ARID3B: variants seen among roughly 807,000 people sequenced by gnomAD.
The protein encoded by ARID3B is AT-rich interactive domain-containing protein 3B.
A neutral mutation model predicts 51.9 loss-of-function variants in ARID3B; 10 were observed. That is an observed-to-expected ratio of 0.19 (90% CI 0.12 to 0.33). The LOEUF (loss-of-function observed/expected upper bound fraction) is 0.33, where lower values mean the gene tolerates loss of function less well. ARID3B is among the 10% of genes least tolerant of loss of function. The probability of loss-of-function intolerance (pLI) is 1.00; values close to 1 mark genes in which losing one functional copy is unlikely to be tolerated. For missense variants in ARID3B, 483 were observed against 716.3 expected (o/e 0.67, Z 3.72); for synonymous variants, 205 against 279.5 (o/e 0.73, Z 2.66).
At chr15:74,551,807 G>A (rs2061638456) in intron 2 of ARID3B, among the ~76,000 whole-genome samples, 2 of 151,916 alleles carry the variant, frequency 1.3e-5, no homozygotes, top group South Asian at 2.1e-4. Flanking sequence ...CTTCTCAAAG[G>A]AATTGGTTTT....
chr15:74,573,221 T>G lies in ARID3B; in HGVS notation c.697+17T>G, dbSNP rs984733664. On this transcript the variant is annotated intron_variant, in intron 4 of 8. Transcript: ENST00000346246. Reference sequence around the variant, plus strand: ...AGAAGAGGGGTGAGTGTGCATCTACTCATCATTCCAATTCAGGGAATACTG... The same window carrying G: ...AGAAGAGGGGTGAGTGTGCATCTACGCATCATTCCAATTCAGGGAATACTG... 5.0e-6 allele frequency: 8 copies of G among 1,612,142 alleles called. No homozygotes were observed. In the Admixed American group the frequency reaches 5.0e-5, roughly 10 times the overall value.
At chr15:74,571,975 T>C (rs566030794) in intron 2 of ARID3B, among the ~76,000 whole-genome samples, 2 of 152,212 alleles carry the variant, frequency 1.3e-5, no homozygotes, top group Non-Finnish European at 2.9e-5. Context: ...CGGGCGTGGT[T>C]GCGCACACGT....
intron 2 of ARID3B, among the ~76,000 whole-genome samples, chr15:74,568,588 A>G (rs1023973057): frequency 6.6e-6 from 1 of 152,200 alleles, no homozygotes; most frequent in East Asian, 1.9e-4. Flanking sequence ...AAGGCACACA[A>G]ACACTAGCTT....
At chr15:74,578,113 T>G (rs1391298023) in intron 4 of ARID3B, among the ~76,000 whole-genome samples, 1 of 151,848 alleles carries the variant, frequency 6.6e-6, no homozygotes, top group Non-Finnish European at 1.5e-5. Flanking sequence ...TGCCTCCGAC[T>G]CCCAAAGTAC....
rs1264911459 is a variant in ARID3B, at chr15:74,595,870, G to A, written c.*96G>A. 1.9e-5 allele frequency: 26 copies of A among 1,336,820 alleles called. No individual in the cohort carries two copies. The highest frequency in any genetic ancestry group is 2.4e-5 in the Non-Finnish European group (24 of 990,686). 82.8% of individuals were successfully genotyped at this position (1,336,820 alleles called of 1,614,324 possible). ...CTCATCTCACAGAGCCCACGTCGAC[G>A]AGCACCATTTGGCCAGACATTGAGA... On this transcript the variant is annotated 3_prime_UTR_variant, in exon 9 of 9. Transcript: ENST00000346246.
intron 4 of ARID3B, among the ~76,000 whole-genome samples, chr15:74,576,646 T>G (rs1158653312): frequency 6.6e-6 from 1 of 151,252 alleles, no homozygotes; most frequent in Non-Finnish European, 1.5e-5. Flanking sequence ...GGCCAAAAAG[T>G]GAGACCCTGT....
intron 4 of ARID3B, among the ~76,000 whole-genome samples, chr15:74,579,518 T>C (rs1374737659): frequency 6.6e-6 from 1 of 152,198 alleles, no homozygotes; most frequent in Admixed American, 6.5e-5. Flanking sequence ...AAGTTTCTAT[T>C]GTCTGTATTG....
At chr15:74,565,084 AC>A (rs1256362333) in intron 2 of ARID3B, among the ~76,000 whole-genome samples, 8 of 151,732 alleles carry the variant, frequency 5.3e-5, no homozygotes, top group Non-Finnish European at 2.9e-5. Flanking sequence ...TTGCCCTGTT[AC>A]CCAGGCTGGA....
chr15:74,562,214 T>C (rs1033281403), intron 2 of ARID3B, among the ~76,000 whole-genome samples: 1 of 152,142 alleles, frequency 6.6e-6, no homozygotes, highest in Non-Finnish European at 1.5e-5. Context: ...CGATCTTGGC[T>C]CACTGCAACC....
At chr15:74,570,927 C>A (rs2061717110) in intron 2 of ARID3B, among the ~76,000 whole-genome samples, 1 of 152,082 alleles carries the variant, frequency 6.6e-6, no homozygotes. Context: ...TATTGGCTCC[C>A]CTGTGCTGAA....
rs1400493041 is a variant in ARID3B at position 74,593,166 on chromosome 15, A to G, written c.1449A>G (p.Ala483=). Residue 483 remains alanine (A), a synonymous_variant, in exon 8 of 9, where the codon GCA becomes GCG. Transcript: ENST00000346246. ...REDRAEASAA[A]LNLTTSSIGS... ...ACAGAGCAGAGGCCTCGGCTGCAGC[A>G]CTGAACCTGACCACGAGTAGCATTG... is the stretch of plus-strand genomic sequence containing the variant. The G allele has an allele frequency of 2.5e-6, 4 of 1,613,572 alleles. No homozygotes were observed. The African/African-American group carries it at 5.3e-5, about 22-fold the overall frequency.
intron 2 of ARID3B, among the ~76,000 whole-genome samples, chr15:74,548,590 G>T (rs973532269): frequency 6.6e-6 from 1 of 152,134 alleles, no homozygotes; most frequent in Non-Finnish European, 1.5e-5. Context: ...AGGATGGAAG[G>T]GTTTAATTTC....
intron 4 of ARID3B, among the ~76,000 whole-genome samples, chr15:74,587,784 A>G (rs999513131): frequency 1.3e-5 from 2 of 152,230 alleles, no homozygotes; most frequent in African/African-American, 4.8e-5. Flanking sequence ...GGAGAAGTCA[A>G]CCAGCACATG....
chr15:74,542,068 A>G (rs1325215186), intron 1 of ARID3B, among the ~76,000 whole-genome samples: 3 of 152,176 alleles, frequency 2.0e-5, no homozygotes, highest in Non-Finnish European at 4.4e-5. Flanking sequence ...TCTGCTGGGG[A>G]CAGCATTCAG....
chr15:74,588,810 T>C (rs748503043), intron 4 of ARID3B, among the ~76,000 whole-genome samples: 9 of 151,658 alleles, frequency 5.9e-5, no homozygotes, highest in Non-Finnish European at 8.8e-5. Flanking sequence ...CTCGGGGCCA[T>C]TGGGTGGAAG....
At chr15:74,555,789 T>TC (rs1446768573) in intron 2 of ARID3B, among the ~76,000 whole-genome samples, 1 of 140,186 alleles carries the variant, frequency 7.1e-6, no homozygotes, top group Non-Finnish European at 1.5e-5. Context: ...TGTATTTCTT[T>TC]TTTTTTTTTT....
intron 4 of ARID3B, among the ~76,000 whole-genome samples, chr15:74,584,139 G>A (rs1389587212): frequency 1.3e-5 from 2 of 152,088 alleles, no homozygotes; most frequent in African/African-American, 2.4e-5. Context: ...TGATCCTGTC[G>A]CCCAGGTTGT....
chr15:74,581,618 G>A (rs1265383553), intron 4 of ARID3B, among the ~76,000 whole-genome samples: 2 of 152,038 alleles, frequency 1.3e-5, no homozygotes, highest in Admixed American at 6.6e-5. Flanking sequence ...CCCAGCTGCT[G>A]TTAAAAAAAT....
chr15:74,565,577 T>C (rs1366755850), intron 2 of ARID3B, among the ~76,000 whole-genome samples: 1 of 152,226 alleles, frequency 6.6e-6, no homozygotes, highest in Non-Finnish European at 1.5e-5. Context: ...AGCTGTGCTT[T>C]AATAAGATAT....
Sources: allele counts gnomAD v4.1 joint callset (sites outside exome capture counted in the v4.1 genomes callset), GRCh38; gene constraint gnomAD v4.1.1; transcripts MANE v1.5; gene names NCBI Gene and HGNC (gene_info 2026-07-23, HGNC 2026-07-21).